Variants in IL20RB observed in about 807,000 individuals in gnomAD.
IL20RB encodes the protein interleukin 20 receptor subunit beta.
In IL20RB, 21 loss-of-function variants were observed where a neutral mutation model predicts 33.3. That is an observed-to-expected ratio of 0.63 (90% CI 0.45 to 0.91). IL20RB has a LOEUF of 0.91. Ranked by LOEUF, IL20RB falls within the 40% of genes least tolerant of loss-of-function variation. The probability of loss-of-function intolerance (pLI) is 0.00; values close to 1 mark genes in which losing one functional copy is unlikely to be tolerated. For missense variants in IL20RB, 345 were observed against 384.8 expected, an observed-to-expected ratio of 0.90 and a Z score of 0.86; for synonymous variants, 147 against 146.8, an observed-to-expected ratio of 1.00 and a Z score of -0.01.
intron 3 of IL20RB, chr3:136,986,860 C>T (rs1288167197): frequency 9.6e-6 from 4 of 417,100 alleles, no homozygotes; most frequent in Non-Finnish European, 1.9e-5. Flanking sequence ...AGAGTTTCTT[C>T]CTTCTGGTGG....
At chr3:136,963,661 G>A (rs1324198852) in intron 1 of IL20RB, among the ~76,000 whole-genome samples, 2 of 135,358 alleles carry the variant, frequency 1.5e-5, no homozygotes, top group Non-Finnish European at 3.2e-5. Context: ...TTTTTTATGT[G>A]TTCTAGATAC....
chr3:136,987,329 G>C (rs1941927520), intron 3 of IL20RB, among the ~76,000 whole-genome samples: 1 of 152,088 alleles, frequency 6.6e-6, no homozygotes, highest in Non-Finnish European at 1.5e-5. Context: ...GGTTCTCCAA[G>C]GCCCCACCAG....
chr3:136,976,483 C>T (rs1941621146), intron 1 of IL20RB, among the ~76,000 whole-genome samples: 1 of 152,222 alleles, frequency 6.6e-6, no homozygotes. Flanking sequence ...TGGCAGCAGC[C>T]AGCCACACCT....
At chr3:136,975,596 C>G (rs1032344528) in intron 1 of IL20RB, among the ~76,000 whole-genome samples, 3 of 152,202 alleles carry the variant, frequency 2.0e-5, no homozygotes, top group African/African-American at 7.2e-5. Context: ...CTCTGCCTCC[C>G]AAAGTGCTGG....
chr3:137,005,012 A>C (rs1053030700), intron 6 of IL20RB, among the ~76,000 whole-genome samples: 1 of 152,030 alleles, frequency 6.6e-6, no homozygotes, highest in Non-Finnish European at 1.5e-5. Context: ...TTCTGCCTTC[A>C]TTTCGTTATT....
At chr3:136,999,139 C>A (rs183797295) in intron 6 of IL20RB, among the ~76,000 whole-genome samples, 1 of 152,140 alleles carries the variant, frequency 6.6e-6, no homozygotes, top group Non-Finnish European at 1.5e-5. Context: ...CTCTGCCACT[C>A]AGGCTGGAGT....
intron 4 of IL20RB, among the ~76,000 whole-genome samples, chr3:136,991,452 A>T (rs549962900): frequency 6.6e-6 from 1 of 152,302 alleles, no homozygotes; most frequent in East Asian, 1.9e-4. Flanking sequence ...CATAGTAGGT[A>T]CTTAATAAAT....
At chr3:136,969,860 T>G (rs1941426341) in intron 1 of IL20RB, among the ~76,000 whole-genome samples, 1 of 152,180 alleles carries the variant, frequency 6.6e-6, no homozygotes, top group Non-Finnish European at 1.5e-5. Context: ...TTGATAAAAT[T>G]AAAATCATGG....
chr3:136,985,062 G>A (rs1372403723), intron 3 of IL20RB, among the ~76,000 whole-genome samples: 2 of 152,202 alleles, frequency 1.3e-5, no homozygotes, highest in East Asian at 3.9e-4. Context: ...GTGGGGATGT[G>A]CTGTAAAACC....
chr3:136,976,762 A>G (rs1459829472), intron 1 of IL20RB, among the ~76,000 whole-genome samples: 2 of 152,198 alleles, frequency 1.3e-5, no homozygotes, highest in East Asian at 3.8e-4. Context: ...TGCATCTGCC[A>G]AAGACTAGGA....
chr3:136,974,743 G>T (rs1941574921), intron 1 of IL20RB, among the ~76,000 whole-genome samples: 1 of 152,098 alleles, frequency 6.6e-6, no homozygotes, highest in Non-Finnish European at 1.5e-5. Context: ...TCCCCTTAGG[G>T]ATACTGATAA....
At chr3:137,006,132 C>T (rs1942345358) in intron 6 of IL20RB, among the ~76,000 whole-genome samples, 1 of 152,222 alleles carries the variant, frequency 6.6e-6, no homozygotes, top group Non-Finnish European at 1.5e-5. Flanking sequence ...GCCAAGAGAT[C>T]TGCTGTTAGT....
At chr3:136,963,984 G>A (rs1297487503) in intron 1 of IL20RB, among the ~76,000 whole-genome samples, 12 of 49,690 alleles carry the variant, frequency 2.4e-4, no homozygotes, top group East Asian at 7.4e-4. Flanking sequence ...GAGAATGATG[G>A]TTTCCAATTT....
intron 6 of IL20RB, among the ~76,000 whole-genome samples, 178 bp from the exon 7 acceptor site, chr3:137,009,935 C>G (rs75985882): frequency 3.6e-4 from 54 of 152,024 alleles, no homozygotes; most frequent in African/African-American, 1.3e-3. Flanking sequence ...GGGTAGTGAA[C>G]TGGGAGATAT....
At chr3:137,000,506 A>G (rs1194445972) in intron 6 of IL20RB, among the ~76,000 whole-genome samples, 2 of 152,242 alleles carry the variant, frequency 1.3e-5, no homozygotes, top group African/African-American at 4.8e-5. Context: ...ACCCAGTGAC[A>G]TTCCCTTCTT....
chr3:136,976,043 A>G (rs1682338), intron 1 of IL20RB, among the ~76,000 whole-genome samples: 88,593 of 151,414 alleles, frequency 0.59, 26,489 homozygotes, highest in East Asian at 0.9. Context: ...GGTGTGACAG[A>G]GTGTGTAGGA....
At chr3:136,979,408 C>T (rs2108195490) in intron 1 of IL20RB, among the ~76,000 whole-genome samples, 1 of 152,314 alleles carries the variant, frequency 6.6e-6, no homozygotes, top group African/African-American at 2.4e-5. Flanking sequence ...CAAATGAGGA[C>T]TCCAGCCCCA....
intron 1 of IL20RB, among the ~76,000 whole-genome samples, chr3:136,963,680 T>TTTTTTTTTTTTTA (rs1941291644): frequency 2.1e-5 from 2 of 93,756 alleles, no homozygotes; most frequent in African/African-American, 8.5e-5. Flanking sequence ...ACTAGTTCTT[T>TTTTTTTTTTTTTA]TTTTTTTTTT....
intron 1 of IL20RB, among the ~76,000 whole-genome samples, chr3:136,966,091 G>T (rs1192273143): frequency 3.0e-5 from 4 of 132,740 alleles, no homozygotes; most frequent in African/African-American, 1.2e-4. Flanking sequence ...TGCTGGATTC[G>T]GTTTGCCAGT....
Sources: allele counts gnomAD v4.1 joint callset (sites outside exome capture counted in the v4.1 genomes callset), GRCh38; gene constraint gnomAD v4.1.1; transcripts MANE v1.5; gene names NCBI Gene and HGNC (gene_info 2026-07-23, HGNC 2026-07-21).